STXBP5L: variants seen among roughly 807,000 people sequenced by gnomAD.
STXBP5L encodes syntaxin-binding protein 5-like.
STXBP5L carries 65 observed loss-of-function variants against 144.5 expected under a neutral mutation model. The observed-to-expected ratio is 0.45, with a 90% CI of 0.37 to 0.55. The LOEUF (loss-of-function observed/expected upper bound fraction) is 0.55, where lower values mean the gene tolerates loss of function less well. Ranked by LOEUF, STXBP5L falls within the 20% of genes least tolerant of loss-of-function variation. The pLI is 0.00. For missense variants in STXBP5L, 1,298 were observed against 1,405.5 expected (o/e 0.92, Z 1.22); for synonymous variants, 505 against 469.6 (o/e 1.08, Z -0.97).
At chr3:120,992,424 C>A (rs1256323044) in intron 3 of STXBP5L, among the ~76,000 whole-genome samples, 2 of 151,936 alleles carry the variant, frequency 1.3e-5, no homozygotes, top group Admixed American at 6.6e-5. Context: ...ATATTTGTAC[C>A]CATTAACTAA....
chr3:120,942,492 A>G (rs1414218920), intron 2 of STXBP5L, among the ~76,000 whole-genome samples: 2 of 151,576 alleles, frequency 1.3e-5, no homozygotes, highest in Non-Finnish European at 3.0e-5. Context: ...ATATTATTCA[A>G]TGTTACTGAA....
At chr3:121,066,439 T>C (rs2041551501) in intron 5 of STXBP5L, among the ~76,000 whole-genome samples, 1 of 151,540 alleles carries the variant, frequency 6.6e-6, no homozygotes, top group Non-Finnish European at 1.5e-5. Context: ...TTTTATCATA[T>C]ACTTTCTCAT....
At chr3:121,384,353 A>G (rs1260145963) in intron 22 of STXBP5L, among the ~76,000 whole-genome samples, 1 of 152,124 alleles carries the variant, frequency 6.6e-6, no homozygotes, top group African/African-American at 2.4e-5. Flanking sequence ...GAGGAAGTGT[A>G]CAGTACTGGC....
chr3:121,379,829 C>T (rs1380649284), intron 21 of STXBP5L, among the ~76,000 whole-genome samples: 1 of 151,802 alleles, frequency 6.6e-6, no homozygotes, highest in Non-Finnish European at 1.5e-5. Flanking sequence ...AGAAGTAGCC[C>T]CCTTTTAATT....
At chr3:121,101,162 A>G (rs1457638970) in intron 5 of STXBP5L, among the ~76,000 whole-genome samples, 2 of 152,098 alleles carry the variant, frequency 1.3e-5, no homozygotes, top group African/African-American at 4.8e-5. Context: ...TCCACCAGAC[A>G]TACAAAGAAA....
intron 22 of STXBP5L, among the ~76,000 whole-genome samples, chr3:121,402,250 C>G (rs542115799): frequency 3.9e-5 from 6 of 152,044 alleles, no homozygotes; most frequent in Non-Finnish European, 7.3e-5. Flanking sequence ...CGAAGTCATA[C>G]GAAGTTTCTG....
chr3:120,915,999 A>G (rs976156665), intron 2 of STXBP5L, among the ~76,000 whole-genome samples: 6 of 152,152 alleles, frequency 3.9e-5, no homozygotes, highest in Admixed American at 2.0e-4. Context: ...ATACACCTTT[A>G]AAAATAATTA....
intron 3 of STXBP5L, among the ~76,000 whole-genome samples, chr3:120,968,784 C>T (rs1939894644): frequency 6.6e-6 from 1 of 152,088 alleles, no homozygotes; most frequent in Non-Finnish European, 1.5e-5. Context: ...TTAGCTCTCA[C>T]TTAAAACATA....
rs547665770 is a variant in STXBP5L, at chr3:121,332,016, A to G, written c.2176+13476A>G. On this transcript the variant is annotated intron_variant, in intron 20 of 26. Transcript: ENST00000471454. ...AGTCTTCACCTCTGAAAGCGCCCAG[A>G]GCCAAATTAGGTTACAAAAACTGTA... Among the ~76,000 whole-genome samples, 6 of 152,028 alleles carry G rather than the reference A, an allele frequency of 3.9e-5. No individual in the cohort carries two copies. The East Asian group carries it at 1.2e-3, about 29-fold the overall frequency.
At chr3:121,356,310 A>C (rs2045511886) in intron 20 of STXBP5L, among the ~76,000 whole-genome samples, 1 of 152,152 alleles carries the variant, frequency 6.6e-6, no homozygotes, top group African/African-American at 2.4e-5. Context: ...GAGAAGTCTA[A>C]AGGCAGTAGG....
At position 120,909,663 on chromosome 3, in the gene STXBP5L, G is replaced by T. The variant is rs552180027; in HGVS notation, c.85G>T (p.Gly29Cys). The T allele has an allele frequency of 1.2e-6, 2 of 1,613,778 alleles. No homozygotes were observed. Among genetic ancestry groups the T allele is most frequent in the South Asian group, 2.2e-5 (2 of 91,042 alleles). The part of the protein sequence containing the change: ...GSGSSSGSNS[G>C]GGAGSGSVHP... ...TGGTAGCAGCAGTGGCAGTAACAGT[G>T]GTGGTGGGGCTGGAAGTGGTTCCGT... Residue 29 changes from glycine (G) to cysteine (C), a missense_variant, in exon 2 of 27, where the codon GGT becomes TGT. Physicochemically the swap from Gly to Cys is radical, Grantham distance 159 (BLOSUM62 -3). Coordinates refer to ENST00000471454, the MANE Select transcript of STXBP5L (RefSeq NM_001308330.2).
chr3:120,977,805 G>T (rs549069871), intron 3 of STXBP5L, among the ~76,000 whole-genome samples: 2 of 152,120 alleles, frequency 1.3e-5, no homozygotes, highest in African/African-American at 2.4e-5. Flanking sequence ...CATTTATGAA[G>T]CTTAGTTTGG....
intron 3 of STXBP5L, among the ~76,000 whole-genome samples, chr3:120,967,438 G>A (rs1357767074): frequency 6.6e-6 from 1 of 152,204 alleles, no homozygotes; most frequent in Non-Finnish European, 1.5e-5. Context: ...TCAGTTGTGT[G>A]ATTTTCTAGA....
chr3:121,255,999 T>G (rs1032396638), intron 16 of STXBP5L, among the ~76,000 whole-genome samples: 3 of 152,138 alleles, frequency 2.0e-5, no homozygotes, highest in African/African-American at 7.2e-5. Flanking sequence ...TTGAGTCAGA[T>G]AAACCTAGGT....
intron 3 of STXBP5L, among the ~76,000 whole-genome samples, chr3:120,955,282 A>T (rs1421972193): frequency 1.3e-5 from 2 of 151,750 alleles, no homozygotes; most frequent in Non-Finnish European, 2.9e-5. Context: ...TTCCTTATCC[A>T]TCTGCCTAGA....
chr3:121,170,480 AT>A (rs1236095374), intron 9 of STXBP5L, among the ~76,000 whole-genome samples: 1 of 152,228 alleles, frequency 6.6e-6, no homozygotes, highest in African/African-American at 2.4e-5. Flanking sequence ...CAAGAATCAA[AT>A]AGACACAATA....
At chr3:121,135,671 T>C (rs1021704619) in intron 7 of STXBP5L, among the ~76,000 whole-genome samples, 13 of 152,222 alleles carry the variant, frequency 8.5e-5, no homozygotes, top group African/African-American at 2.6e-4. Context: ...GTAATGCGAG[T>C]GACGGGGATC....
intron 3 of STXBP5L, among the ~76,000 whole-genome samples, chr3:120,994,159 A>T (rs1357053956): frequency 6.6e-6 from 1 of 151,940 alleles, no homozygotes; most frequent in Non-Finnish European, 1.5e-5. Context: ...TGCAACTTTA[A>T]TGAATTTGTT....
At chr3:121,020,816 C>T (rs1435910084) in intron 3 of STXBP5L, among the ~76,000 whole-genome samples, 1 of 149,274 alleles carries the variant, frequency 6.7e-6, no homozygotes, top group Non-Finnish European at 1.5e-5. Context: ...CTACTTAAAG[C>T]ATAAAACTCA....
Sources: allele counts gnomAD v4.1 joint callset (sites outside exome capture counted in the v4.1 genomes callset), GRCh38; gene constraint gnomAD v4.1.1; transcripts MANE v1.5; gene names NCBI Gene and HGNC (gene_info 2026-07-23, HGNC 2026-07-21).